Variants in VWF observed in about 807,000 individuals in gnomAD.
The protein encoded by VWF is Factor VIII related antigen.
A neutral mutation model predicts 308.6 loss-of-function variants in VWF; 176 were observed. That is an observed-to-expected ratio of 0.57 (90% CI 0.50 to 0.65). The LOEUF (loss-of-function observed/expected upper bound fraction) is 0.65, where lower values mean the gene tolerates loss of function less well. Ranked by LOEUF, VWF falls within the 30% of genes least tolerant of loss-of-function variation. VWF has a pLI of 0.00. For synonymous variants in VWF, 1,385 were observed against 1,443.4 expected, an observed-to-expected ratio of 0.96 and a Z score of 0.92; for missense variants, 3,146 against 3,648.2, an observed-to-expected ratio of 0.86 and a Z score of 3.55.
At chr12:5,988,860 C>T (rs150339489) in intron 38 of VWF, among the ~76,000 whole-genome samples, 49 of 151,948 alleles carry the variant, frequency 3.2e-4, no homozygotes, top group African/African-American at 1.1e-3. Flanking sequence ...GGTATGAGAG[C>T]CAGCAGGAGT....
chr12:6,064,723 G>A (rs970200948), intron 11 of VWF, among the ~76,000 whole-genome samples: 7 of 152,120 alleles, frequency 4.6e-5, no homozygotes, highest in African/African-American at 1.7e-4. Flanking sequence ...CATTCTCTTC[G>A]TCCTCATCTT....
At chr12:6,007,611 A>G (rs1310976256) in intron 34 of VWF, among the ~76,000 whole-genome samples, 1 of 152,190 alleles carries the variant, frequency 6.6e-6, no homozygotes, top group Non-Finnish European at 1.5e-5. Flanking sequence ...TGTCTACAGT[A>G]AGAAAGATCT....
chr12:6,031,709 T>G, intron 20 of VWF, 131 bp from the exon 21 acceptor site: 1 of 1,412,858 alleles, frequency 7.1e-7, no homozygotes, highest in Non-Finnish European at 9.8e-7. Flanking sequence ...TGGCTGCGCA[T>G]ATGTGCCTCT....
chr12:6,073,050 G>A (rs1290653166), intron 8 of VWF, among the ~76,000 whole-genome samples: 3 of 152,078 alleles, frequency 2.0e-5, no homozygotes, highest in African/African-American at 7.2e-5. Flanking sequence ...TATTTTTAGT[G>A]GAGACGGGAT....
chr12:6,086,827 T>C (rs1319189221), intron 6 of VWF, among the ~76,000 whole-genome samples: 12 of 152,204 alleles, frequency 7.9e-5, no homozygotes, highest in Admixed American at 7.2e-4. Flanking sequence ...GCTTTGTCTC[T>C]AACGGAATGG....
chr12:6,062,678 A>G (rs566412029), intron 13 of VWF, among the ~76,000 whole-genome samples: 4 of 151,984 alleles, frequency 2.6e-5, no homozygotes, highest in Admixed American at 6.6e-5. Flanking sequence ...TGGACAGCAA[A>G]CCTGCTCCTT....
At chr12:6,035,075 T>C (rs1285366352) in intron 19 of VWF, among the ~76,000 whole-genome samples, 1 of 151,972 alleles carries the variant, frequency 6.6e-6, no homozygotes, top group Non-Finnish European at 1.5e-5. Flanking sequence ...AGGGAAGGGG[T>C]TGTCCAAAGT....
At chr12:6,116,260 GGCCTGCTGAA>G (rs2136529401) in intron 3 of VWF, among the ~76,000 whole-genome samples, 1 of 152,300 alleles carries the variant, frequency 6.6e-6, no homozygotes, top group Non-Finnish European at 1.5e-5. Context: ...GCTCCCACCA[GGCCTGCTGAA>G]CGCAGTGATT....
At chr12:6,045,359 C>T (rs930618689) in intron 17 of VWF, among the ~76,000 whole-genome samples, 4 of 152,194 alleles carry the variant, frequency 2.6e-5, no homozygotes, top group Non-Finnish European at 4.4e-5. Context: ...AAAGGCTAAA[C>T]GGCTTTTCCC....
At position 6,020,375 on chromosome 12, in the gene VWF, C is replaced by A. The variant is rs1944116423; in HGVS notation, c.3675-632G>T. ...TTATTTGGGAGTAGCAGACAGGGGT[C>A]TCCACGGTGTCAGGCCTAGGAAAAG... On this transcript the variant is annotated intron_variant, in intron 27 of 51. Coordinates refer to ENST00000261405, the MANE Select transcript of VWF (RefSeq NM_000552.5). The surrounding 1 kb of genome is among the most constrained non-coding windows in gnomAD (Gnocchi z 4.3). Among the ~76,000 whole-genome samples the A allele has an allele frequency of 6.6e-6, 1 of 152,228 alleles. No homozygotes were observed. The highest frequency in any genetic ancestry group is 2.1e-4 in the South Asian group (1 of 4,834).
intron 45 of VWF, among the ~76,000 whole-genome samples, chr12:5,968,992 G>A (rs1943437270): frequency 6.6e-6 from 1 of 152,140 alleles, no homozygotes; most frequent in African/African-American, 2.4e-5. Flanking sequence ...GAAGCCTAGG[G>A]CCGAATCCCA....
At chr12:6,013,711 G>C in intron 31 of VWF, 66 bp from the exon 32 acceptor site, 2 of 1,574,626 alleles carry the variant, frequency 1.3e-6, no homozygotes, top group African/African-American at 1.3e-5. Context: ...CTGGCCTGAC[G>C]TTATATCCAG....
intron 13 of VWF, among the ~76,000 whole-genome samples, chr12:6,059,018 G>A (rs1253150259): frequency 6.6e-6 from 1 of 152,160 alleles, no homozygotes; most frequent in African/African-American, 2.4e-5. Context: ...AGGGGCTAGG[G>A]TCAGCTCTTA....
chr12:6,031,731 G>A (rs754734461), intron 20 of VWF, among the ~76,000 whole-genome samples, 153 bp from the exon 21 acceptor site: 3 of 151,878 alleles, frequency 2.0e-5, no homozygotes, highest in Non-Finnish European at 4.4e-5. Context: ...TGTGTGTCTG[G>A]GGGACGGGGG....
intron 19 of VWF, 72 bp downstream of exon 19, chr12:6,036,316 C>A (rs1167043505): frequency 3.6e-6 from 5 of 1,406,238 alleles, no homozygotes; most frequent in Non-Finnish European, 5.0e-6. Context: ...TGCGGAAGGT[C>A]CTGTGGCCGC....
intron 18 of VWF, among the ~76,000 whole-genome samples, chr12:6,043,729 C>T (rs892235713): frequency 6.6e-6 from 1 of 152,212 alleles, no homozygotes; most frequent in Non-Finnish European, 1.5e-5. Flanking sequence ...TCAGGCACAG[C>T]ACCGGAGTCA....
chr12:6,069,627 G>A (rs555929041), intron 10 of VWF, among the ~76,000 whole-genome samples: 99 of 152,294 alleles, frequency 6.5e-4, no homozygotes, highest in African/African-American at 2.2e-3. Flanking sequence ...ACCGGGAGGC[G>A]ATGATCAACA....
chr12:6,067,860 G>A lies in VWF; in HGVS notation c.1157-2587C>T, dbSNP rs567163687. On this transcript the variant is annotated intron_variant, in intron 10 of 51. Transcript: ENST00000261405. The stretch of plus-strand genomic sequence containing the variant: ...AAAAAAAGAGCATCCAGGCCGGGCC[G>A]TCATGGCTCATGCCTATAATCCCAG... Among the ~76,000 whole-genome samples the A allele has an allele frequency of 4.2e-4, 64 of 152,190 alleles. 1 individual carries two copies. In the South Asian group the frequency reaches 4.8e-3, roughly 11 times the overall value.
intron 34 of VWF, among the ~76,000 whole-genome samples, chr12:6,003,972 C>A (rs10219599): frequency 0.17 from 26,233 of 151,920 alleles, 2,755 homozygotes; most frequent in African/African-American, 0.29. Flanking sequence ...CCCGCCACCA[C>A]GCCCGGCTAA....
Sources: allele counts gnomAD v4.1 joint callset (sites outside exome capture counted in the v4.1 genomes callset), GRCh38; gene constraint gnomAD v4.1.1; non-coding constraint Gnocchi (gnomAD v3.1); transcripts MANE v1.5; gene names NCBI Gene and HGNC (gene_info 2026-07-23, HGNC 2026-07-21).